GTF2F2: variants seen among roughly 807,000 people sequenced by gnomAD.
GTF2F2 encodes general transcription factor IIF subunit 2.
A neutral mutation model predicts 42.2 loss-of-function variants in GTF2F2; 23 were observed. The observed-to-expected ratio is 0.55, with a 90% CI of 0.39 to 0.77. GTF2F2 has a LOEUF of 0.77. GTF2F2 is among the 30% of genes least tolerant of loss of function. The pLI is 0.00. For synonymous variants in GTF2F2, 105 were observed against 100.8 expected (o/e 1.04, Z -0.25); for missense variants, 261 against 287.2 (o/e 0.91, Z 0.66).
At chr13:45,279,630 G>A (rs1050021211) in intron 7 of GTF2F2, among the ~76,000 whole-genome samples, 15 of 152,092 alleles carry the variant, frequency 9.9e-5, no homozygotes, top group African/African-American at 1.4e-4. Context: ...GCATGTGGCC[G>A]GGCGCGGTGG....
At chr13:45,157,067 G>C (rs1870797213) in intron 4 of GTF2F2, among the ~76,000 whole-genome samples, 1 of 152,170 alleles carries the variant, frequency 6.6e-6, no homozygotes, top group Non-Finnish European at 1.5e-5. Flanking sequence ...TATCAGGTTG[G>C]GGGTGGGACC....
intron 4 of GTF2F2, chr13:45,194,685 G>C: frequency 2.2e-6 from 2 of 927,004 alleles, no homozygotes; most frequent in Non-Finnish European, 3.3e-6. Flanking sequence ...GGAAACGCTG[G>C]CAGCATCGCC....
chr13:45,198,533 C>T (rs1330837140), intron 4 of GTF2F2, among the ~76,000 whole-genome samples: 3 of 152,168 alleles, frequency 2.0e-5, no homozygotes, highest in Non-Finnish European at 4.4e-5. Context: ...TCTCCACATT[C>T]TCCCCTGCTA....
chr13:45,198,426 C>T (rs1170208428), intron 4 of GTF2F2, among the ~76,000 whole-genome samples: 1 of 152,178 alleles, frequency 6.6e-6, no homozygotes, highest in African/African-American at 2.4e-5. Context: ...GATAATTCTC[C>T]TAGACTTAAC....
chr13:45,267,784 C>T (rs1876629378), intron 7 of GTF2F2, among the ~76,000 whole-genome samples: 1 of 150,110 alleles, frequency 6.7e-6, no homozygotes, highest in Non-Finnish European at 1.5e-5. Context: ...AGGGTTTATC[C>T]CTGTCTTGTG....
At chr13:45,225,326 A>G (rs978065576) in intron 5 of GTF2F2, among the ~76,000 whole-genome samples, 2 of 151,760 alleles carry the variant, frequency 1.3e-5, no homozygotes, top group African/African-American at 2.4e-5. Context: ...TATTTTTGAA[A>G]TCAATCACTT....
intron 1 of GTF2F2, among the ~76,000 whole-genome samples, chr13:45,125,164 T>C (rs115195631): frequency 0.012 from 1,813 of 152,326 alleles, 31 homozygotes; most frequent in African/African-American, 0.037. Flanking sequence ...AAAGTAGGTA[T>C]TAATTACCTG....
chr13:45,136,700 A>G (rs1486365175), intron 1 of GTF2F2, 33 bp from the exon 2 acceptor site: 1 of 1,141,552 alleles, frequency 8.8e-7, no homozygotes. Context: ...TTAGCATCTA[A>G]AATAGACTTA....
At chr13:45,217,548 A>G (rs1185919626) in intron 5 of GTF2F2, among the ~76,000 whole-genome samples, 1 of 152,240 alleles carries the variant, frequency 6.6e-6, no homozygotes, top group Non-Finnish European at 1.5e-5. Context: ...TAACACTAGT[A>G]GAGCAACCAA....
At position 45,136,717 on chromosome 13, in the gene GTF2F2, TTTTAC is replaced by T; in HGVS notation, c.67-12_67-8del. The T allele has an allele frequency of 7.1e-7, 1 of 1,408,642 alleles. No homozygotes were observed. Among genetic ancestry groups the T allele is most frequent in the Non-Finnish European group, 1.0e-6 (1 of 1,002,676 alleles). The allele number at this position is 1,408,642 out of a possible 1,614,324, so 87.3% of individuals were successfully genotyped here. Reference sequence around the variant, plus strand: ...AGCATCTAAAATAGACTTATTAGTGTTTTACTTTGTTTTAGGTTCCTAAATATTTG... The same window carrying T: ...AGCATCTAAAATAGACTTATTAGTGTTTTGTTTTAGGTTCCTAAATATTTG... On this transcript the variant is annotated splice_polypyrimidine_tract_variant and intron_variant, in intron 1 of 7. Coordinates refer to ENST00000340473, the MANE Select transcript of GTF2F2 (RefSeq NM_004128.3).
chr13:45,260,287 G>C (rs898698213), intron 6 of GTF2F2, among the ~76,000 whole-genome samples: 1 of 152,120 alleles, frequency 6.6e-6, no homozygotes, highest in African/African-American at 2.4e-5. Context: ...TATATCATGA[G>C]GGCTTTTCAG....
intron 4 of GTF2F2, among the ~76,000 whole-genome samples, chr13:45,161,146 A>C (rs1404495992): frequency 1.3e-5 from 2 of 152,210 alleles, no homozygotes; most frequent in South Asian, 4.1e-4. Context: ...TACACCTAGC[A>C]CTTTAGTGTA....
intron 4 of GTF2F2, among the ~76,000 whole-genome samples, chr13:45,191,886 T>A (rs539176027): frequency 2.0e-5 from 3 of 152,192 alleles, no homozygotes; most frequent in Non-Finnish European, 4.4e-5. Context: ...CTCTTTGGAT[T>A]TGATAAAAAA....
Position 45,182,242 on chromosome 13 carries a change from C to G in GTF2F2, c.305-25182C>G, listed in dbSNP as rs192288671. Reference sequence around the variant, plus strand: ...CTCGGCTTACTGCAGCCTCTGCCTCCCGGGCTCAAGCAATTCTCCTGCCCC... The same window carrying G: ...CTCGGCTTACTGCAGCCTCTGCCTCGCGGGCTCAAGCAATTCTCCTGCCCC... On this transcript the variant is annotated intron_variant, in intron 4 of 7. Transcript: ENST00000340473. Among the ~76,000 whole-genome samples the G allele has an allele frequency of 9.7e-4, 147 of 152,184 alleles. 1 individual carries two copies. The highest frequency in any genetic ancestry group is 3.4e-3 in the African/African-American group (140 of 41,474).
Position 45,138,159 on chromosome 13 carries a change from A to G in GTF2F2, c.140+1353A>G, listed in dbSNP as rs57548671. On this transcript the variant is annotated intron_variant, in intron 2 of 7. Coordinates refer to ENST00000340473, the MANE Select transcript of GTF2F2 (RefSeq NM_004128.3). ...GCTGTTCCTTCTTAGTTTCTTGCTA[A>G]GCCCCTTCTCATCTTCTGTCTCTAA... 2.8e-3 allele frequency among the ~76,000 whole-genome samples: 430 copies of G among 152,076 alleles called. 9 individuals carry two copies. In the East Asian group the frequency reaches 0.059, roughly 21 times the overall value.
chr13:45,135,865 T>C (rs1869594614), intron 1 of GTF2F2, among the ~76,000 whole-genome samples: 1 of 152,234 alleles, frequency 6.6e-6, no homozygotes, highest in African/African-American at 2.4e-5. Flanking sequence ...TTACTCCTAA[T>C]AATAGGATAA....
intron 3 of GTF2F2, among the ~76,000 whole-genome samples, chr13:45,150,257 C>A (rs1306059826): frequency 6.6e-6 from 1 of 152,044 alleles, no homozygotes; most frequent in Non-Finnish European, 1.5e-5. Flanking sequence ...ATGTGATGTT[C>A]TTTTGGGGAG....
chr13:45,178,862 T>A (rs1872011133), intron 4 of GTF2F2, among the ~76,000 whole-genome samples: 1 of 152,182 alleles, frequency 6.6e-6, no homozygotes, highest in Admixed American at 6.5e-5. Context: ...CTGGAGTTAC[T>A]CATGCATCTG....
chr13:45,252,775 ATTAG>A lies in GTF2F2; in HGVS notation c.387-93_387-90del, dbSNP rs1329197972. On this transcript the variant is annotated intron_variant, in intron 5 of 7. Coordinates refer to ENST00000340473, the MANE Select transcript of GTF2F2 (RefSeq NM_004128.3). ...ATCCTCTGAGGTTACCTTTTTATATATTAGTTTTCATTGAATAAGAATTATAGAA... is the reference window on the plus strand; with the variant it reads ...ATCCTCTGAGGTTACCTTTTTATATATTTTCATTGAATAAGAATTATAGAA... 1.1e-5 allele frequency: 7 copies of A among 625,078 alleles called. No homozygotes were observed. The African/African-American group carries it at 1.2e-4, about 11-fold the overall frequency. The allele number at this position is 625,078 out of a possible 1,614,324, so 38.7% of individuals were successfully genotyped here. A position where few individuals can be genotyped will look rare whatever the true frequency, so the allele number is the denominator to read the frequency against.
Sources: gnomAD v4.1 joint callset for allele counts (sites outside exome capture counted in the v4.1 genomes callset) on GRCh38, gnomAD v4.1.1 for gene constraint, MANE v1.5 for transcripts, NCBI Gene and HGNC (gene_info 2026-07-23, HGNC 2026-07-21) for gene names.